Variants in EFCAB13 observed in about 807,000 individuals in gnomAD.
The protein encoded by EFCAB13 is EF-hand calcium binding domain 13.
In EFCAB13, 91 loss-of-function variants were observed where a neutral mutation model predicts 110.2. That is an observed-to-expected ratio of 0.83 (90% CI 0.70 to 0.98). The LOEUF (loss-of-function observed/expected upper bound fraction) is 0.98, where lower values mean the gene tolerates loss of function less well. Among genes scored for constraint, EFCAB13 ranks in the 50% least tolerant of loss-of-function variants. The pLI, the probability that EFCAB13 is intolerant of heterozygous loss-of-function variation, is 0.00. For missense variants in EFCAB13, 968 were observed against 1,119.4 expected, an observed-to-expected ratio of 0.86 and a Z score of 1.93; for synonymous variants, 323 against 369.9, an observed-to-expected ratio of 0.87 and a Z score of 1.45.
intron 11 of EFCAB13, among the ~76,000 whole-genome samples, chr17:47,370,742 T>G (rs11655393): frequency 0.041 from 2,477 of 59,990 alleles, 22 homozygotes; most frequent in Middle Eastern, 0.12. Flanking sequence ...TTGTTTGTTT[T>G]TTTTTTTTTT....
intron 17 of EFCAB13, among the ~76,000 whole-genome samples, chr17:47,396,905 A>G (rs1226482025): frequency 6.6e-6 from 1 of 152,168 alleles, no homozygotes; most frequent in Non-Finnish European, 1.5e-5. Flanking sequence ...TTCTTTTGTT[A>G]AAGTTAATGG....
intron 17 of EFCAB13, 152 bp downstream of exon 17, chr17:47,396,129 A>C: frequency 1.9e-6 from 1 of 538,832 alleles, no homozygotes; most frequent in Admixed American, 3.6e-5. Flanking sequence ...TTGTATAAAG[A>C]AAGTTCAGAT....
At chr17:47,351,296 TGTGTGTGTGCGCGCGCGC>T (rs201168863) in intron 9 of EFCAB13, among the ~76,000 whole-genome samples, 8,101 of 140,348 alleles carry the variant, frequency 0.058, 406 homozygotes, top group East Asian at 0.24. Flanking sequence ...TGTGTGTGTG[TGTGTGTGTGCGCGCGCGC>T]GCGCGCGCGC....
At chr17:47,371,015 CA>C (rs2065580476) in intron 11 of EFCAB13, among the ~76,000 whole-genome samples, 1 of 149,954 alleles carries the variant, frequency 6.7e-6, no homozygotes, top group African/African-American at 2.4e-5. Flanking sequence ...GCTGAGATTA[CA>C]AGCGTGAGCC....
rs375715415 is a variant in EFCAB13, at chr17:47,409,483, A to G, written c.2234-164A>G. 235 of 609,826 alleles carry G rather than the reference A, an allele frequency of 3.9e-4. 3 individuals carry two copies. In the East Asian group the frequency reaches 4.7e-3, roughly 12 times the overall value. 37.8% of individuals were successfully genotyped at this position (609,826 alleles called of 1,614,324 possible). On this transcript the variant is annotated intron_variant, in intron 20 of 24. Transcript: ENST00000331493. ...TAAGCAAAGAGTGAGGAGAGAATGG[A>G]TATTTTGGGAGCCAGGGAACAACTT...
At chr17:47,356,023 G>A (rs759697543) in intron 9 of EFCAB13, among the ~76,000 whole-genome samples, 1 of 151,606 alleles carries the variant, frequency 6.6e-6, no homozygotes, top group Non-Finnish European at 1.5e-5. Context: ...GTTTCTTTAA[G>A]TGTGTCCTTC....
intron 9 of EFCAB13, among the ~76,000 whole-genome samples, chr17:47,354,051 A>G (rs541176727): frequency 5.3e-4 from 80 of 152,326 alleles, no homozygotes; most frequent in African/African-American, 1.8e-3. Context: ...CTTTTGCTGT[A>G]TCCCAGAGGT....
At chr17:47,405,125 A>C (rs1239015491) in intron 20 of EFCAB13, among the ~76,000 whole-genome samples, 1 of 152,186 alleles carries the variant, frequency 6.6e-6, no homozygotes, top group Admixed American at 6.5e-5. Flanking sequence ...GTGTTCCACT[A>C]TATTATGTAA....
intron 19 of EFCAB13, 85 bp downstream of exon 19, chr17:47,404,106 A>G (rs1340448623): frequency 5.7e-6 from 6 of 1,061,534 alleles, no homozygotes; most frequent in Non-Finnish European, 6.6e-6. Flanking sequence ...TGCTTATGTT[A>G]CTATAAATGT....
chr17:47,328,370 A>G lies in EFCAB13; in HGVS notation c.17A>G (p.His6Arg), dbSNP rs1170165187. ...AACAGAAAGATGGAAACTAAAGTACATTTATTCTGCCAGGTATTTATTTAA... is the reference window on the plus strand; with the variant it reads ...AACAGAAAGATGGAAACTAAAGTACGTTTATTCTGCCAGGTATTTATTTAA... Reference protein sequence around the residue: METKVHLFCQAEENID... With the variant: METKVRLFCQAEENID... The change falls in exon 4 of 25, where the codon CAT becomes CGT. Residue 6 changes from histidine to arginine, a missense_variant. By Grantham distance (29) the His-to-Arg change is conservative. Coordinates refer to ENST00000331493, the MANE Select transcript of EFCAB13 (RefSeq NM_152347.5). 6.3e-7 allele frequency: 1 copy of G among 1,596,876 alleles called. No homozygotes were observed. Among genetic ancestry groups the G allele is most frequent in the African/African-American group, 1.4e-5 (1 of 74,066 alleles).
intron 23 of EFCAB13, among the ~76,000 whole-genome samples, chr17:47,417,892 C>T (rs897464378): frequency 7.2e-5 from 11 of 152,136 alleles, no homozygotes; most frequent in African/African-American, 2.7e-4. Flanking sequence ...CCATAGAGTA[C>T]CATGTGTAAT....
chr17:47,384,158 G>GTTT (rs1190644566), intron 14 of EFCAB13, among the ~76,000 whole-genome samples: 1 of 115,304 alleles, frequency 8.7e-6, no homozygotes, highest in African/African-American at 3.1e-5. Flanking sequence ...TTTTTTTTTT[G>GTTT]TTTTTTTTTT....
intron 10 of EFCAB13, among the ~76,000 whole-genome samples, chr17:47,363,017 C>G (rs1016162293): frequency 6.6e-6 from 1 of 152,164 alleles, no homozygotes; most frequent in Non-Finnish European, 1.5e-5. Flanking sequence ...TCTACACTCT[C>G]TCGTCTCCGC....
chr17:47,409,006 G>A (rs1489504896), intron 20 of EFCAB13, among the ~76,000 whole-genome samples: 2 of 152,078 alleles, frequency 1.3e-5, no homozygotes, highest in East Asian at 1.9e-4. Flanking sequence ...TACAAATTAA[G>A]GCAAATATAA....
rs1420995309 is a variant in EFCAB13, at chr17:47,379,252, T to C, written c.1581T>C (p.Asn527=). The C allele has an allele frequency of 6.2e-7, 1 of 1,611,342 alleles. No homozygotes were observed. Among genetic ancestry groups the C allele is most frequent in the Non-Finnish European group, 8.5e-7 (1 of 1,177,784 alleles). Residue 527 remains asparagine (N), a splice_region_variant and synonymous_variant, in exon 14 of 25, where the codon AAT becomes AAC. Coordinates refer to ENST00000331493, the MANE Select transcript of EFCAB13 (RefSeq NM_152347.5). ...LAKERSFPEC[N]ALPGVIKAID... ...AGGAGCGAAGTTTTCCTGAATGCAA[T>C]GGTAGGTAGGAAATTTGTTTTAAAA...
chr17:47,347,373 A>T (rs546343566), intron 8 of EFCAB13, among the ~76,000 whole-genome samples: 84 of 152,284 alleles, frequency 5.5e-4, no homozygotes, highest in Admixed American at 4.4e-3. Context: ...TTCAATAGAC[A>T]TTTTTTTGAG....
At chr17:47,424,284 C>T (rs1437205658) in intron 23 of EFCAB13, among the ~76,000 whole-genome samples, 1 of 152,184 alleles carries the variant, frequency 6.6e-6, no homozygotes, top group Non-Finnish European at 1.5e-5. Flanking sequence ...GGAGAAGGCA[C>T]CCGCGGAACC....
intron 20 of EFCAB13, among the ~76,000 whole-genome samples, chr17:47,405,888 C>A (rs1400946674): frequency 4.0e-5 from 6 of 151,426 alleles, no homozygotes; most frequent in African/African-American, 1.5e-4. Context: ...TTTCTAATTT[C>A]TTGTTTAAAT....
chr17:47,416,259 T>G (rs1451622931), intron 23 of EFCAB13, among the ~76,000 whole-genome samples: 1 of 152,150 alleles, frequency 6.6e-6, no homozygotes, highest in Non-Finnish European at 1.5e-5. Flanking sequence ...AAAGAAACTC[T>G]GTACCTGTTA....
Sources: gnomAD v4.1 joint callset for allele counts (sites outside exome capture counted in the v4.1 genomes callset) on GRCh38, gnomAD v4.1.1 for gene constraint, MANE v1.5 for transcripts, NCBI Gene and HGNC (gene_info 2026-07-23, HGNC 2026-07-21) for gene names.